The following DIAPH2 variants were observed in gnomAD, a reference collection of about 807,000 sequenced individuals.
DIAPH2 encodes the protein protein diaphanous homolog 2.
A neutral mutation model predicts 92.7 loss-of-function variants in DIAPH2; 35 were observed. That is an observed-to-expected ratio of 0.38 (90% CI 0.29 to 0.50). The LOEUF is 0.50. DIAPH2 is among the 20% of genes least tolerant of loss of function. The pLI, the probability that DIAPH2 is intolerant of heterozygous loss-of-function variation, is 0.94. For missense variants in DIAPH2, 701 were observed against 819.5 expected, an observed-to-expected ratio of 0.86 and a Z score of 1.77; for synonymous variants, 301 against 280.4, an observed-to-expected ratio of 1.07 and a Z score of -0.73.
intron 17 of DIAPH2, among the ~76,000 whole-genome samples, chrX:96,975,670 C>T (rs1383464001): frequency 2.7e-5 from 3 of 111,682 alleles, no homozygotes; most frequent in East Asian, 2.8e-4. Context: ...ATTTATTTCT[C>T]ACGCTTCTGG....
At position 96,972,940 on chromosome X, in the gene DIAPH2, T is replaced by G. The variant is rs73632874; in HGVS notation, c.2050+7733T>G. 1.7e-3 allele frequency among the ~76,000 whole-genome samples: 185 copies of G among 111,836 alleles called. 1 individual carries two copies. Among genetic ancestry groups the G allele is most frequent in the African/African-American group, 5.6e-3 (171 of 30,798 alleles). ...TTTCAGTGTGAGCATCAACCTTTCA[T>G]AGTATGAACATGGGAACAAAGTAGA... On this transcript the variant is annotated intron_variant, in intron 17 of 26. Coordinates refer to ENST00000324765, the MANE Select transcript of DIAPH2 (RefSeq NM_006729.5).
chrX:97,532,901 T>G (rs781763653), intron 26 of DIAPH2, among the ~76,000 whole-genome samples: 1 of 112,094 alleles, frequency 8.9e-6, no homozygotes, highest in Admixed American at 9.5e-5. Context: ...TGTCAAAAAA[T>G]TTGGTTTTGC....
At chrX:97,423,747 A>G (rs1413069230) in intron 25 of DIAPH2, among the ~76,000 whole-genome samples, 1 of 112,127 alleles carries the variant, frequency 8.9e-6, no homozygotes, top group Admixed American at 9.5e-5. Context: ...TTTAGTGGCT[A>G]AAAGCATTAC....
chrX:97,452,541 G>T (rs1421736577), intron 26 of DIAPH2, among the ~76,000 whole-genome samples: 1 of 111,592 alleles, frequency 9.0e-6, no homozygotes, highest in Non-Finnish European at 1.9e-5. Context: ...AAGTGCTAGA[G>T]GTTCTTGTTC....
intron 17 of DIAPH2, among the ~76,000 whole-genome samples, chrX:97,037,885 G>A (rs1442763438): frequency 9.0e-6 from 1 of 111,335 alleles, no homozygotes; most frequent in African/African-American, 3.3e-5. Flanking sequence ...TAGCTTTAGG[G>A]TAAAATTGGT....
intron 4 of DIAPH2, among the ~76,000 whole-genome samples, chrX:96,874,799 A>G (rs2065167727): frequency 8.9e-6 from 1 of 112,197 alleles, no homozygotes; most frequent in East Asian, 2.8e-4. Flanking sequence ...TGAAATTATT[A>G]TGAAGTATTT....
intron 17 of DIAPH2, among the ~76,000 whole-genome samples, chrX:96,988,410 C>T (rs769647448): frequency 6.4e-5 from 7 of 109,314 alleles, no homozygotes; most frequent in African/African-American, 9.9e-5. Flanking sequence ...GACTTGTTGA[C>T]GGATTGGATG....
At chrX:96,993,276 G>A (rs2066083707) in intron 17 of DIAPH2, among the ~76,000 whole-genome samples, 1 of 112,039 alleles carries the variant, frequency 8.9e-6, no homozygotes, top group Non-Finnish European at 1.9e-5. Context: ...ATACTAAGAT[G>A]AATAAGATAT....
intron 22 of DIAPH2, among the ~76,000 whole-genome samples, chrX:97,176,811 G>A (rs1403050905): frequency 8.9e-6 from 1 of 111,834 alleles, no homozygotes; most frequent in African/African-American, 3.3e-5. Context: ...ACAGGCGTGA[G>A]CCACCGCGCC....
At chrX:96,942,932 A>G (rs1025350444) in intron 13 of DIAPH2, among the ~76,000 whole-genome samples, 4 of 112,176 alleles carry the variant, frequency 3.6e-5, no homozygotes, top group South Asian at 3.7e-4. Context: ...CCACAGCACA[A>G]GGCAGATACA....
At chrX:96,714,503 A>G (rs922430518) in intron 1 of DIAPH2, among the ~76,000 whole-genome samples, 7 of 110,958 alleles carry the variant, frequency 6.3e-5, no homozygotes, top group African/African-American at 2.3e-4. Context: ...ACCTCGGGTC[A>G]TCCATCTGCC....
At chrX:96,765,372 AT>A (rs1334931581) in intron 4 of DIAPH2, among the ~76,000 whole-genome samples, 1 of 108,140 alleles carries the variant, frequency 9.2e-6, no homozygotes, top group Non-Finnish European at 1.9e-5. Context: ...TAATTTTTGT[AT>A]TTTTTTGTAG....
intron 16 of DIAPH2, among the ~76,000 whole-genome samples, chrX:96,962,382 CAT>C (rs1362470136): frequency 1.7e-5 from 1 of 57,200 alleles, no homozygotes; most frequent in Non-Finnish European, 3.0e-5. Context: ...TATATATACA[CAT>C]ATATATACAC....
intron 23 of DIAPH2, 127 bp from the exon 24 acceptor site, chrX:97,347,989 C>G: frequency 3.1e-6 from 2 of 650,184 alleles, no homozygotes; most frequent in East Asian, 3.7e-5. Context: ...CCCTAACAAA[C>G]TAATACACAA....
In DIAPH2 at chrX:96,994,476, A is replaced by G. The variant is rs143728703; in HGVS notation, c.2050+29269A>G. 4.8e-3 allele frequency among the ~76,000 whole-genome samples: 532 copies of G among 111,840 alleles called. 2 individuals carry two copies. Among genetic ancestry groups the G allele is most frequent in the African/African-American group, 0.017 (512 of 30,764 alleles). ...CTGTCTTGTAGGCAGTCATGTGTAG[A>G]AAGTTTGTAGCTCAGAAGAATATAT... On this transcript the variant is annotated intron_variant, in intron 17 of 26. Coordinates refer to ENST00000324765, the MANE Select transcript of DIAPH2 (RefSeq NM_006729.5).
At chrX:97,509,655 C>T (rs2070869278) in intron 26 of DIAPH2, among the ~76,000 whole-genome samples, 1 of 105,533 alleles carries the variant, frequency 9.5e-6, no homozygotes, top group Non-Finnish European at 1.9e-5. Context: ...CTATCCCTCC[C>T]CACTCCCCCC....
At chrX:97,212,684 C>A (rs1221344261) in intron 22 of DIAPH2, among the ~76,000 whole-genome samples, 3 of 105,870 alleles carry the variant, frequency 2.8e-5, no homozygotes, top group African/African-American at 1.0e-4. Context: ...ATAGAAGGAC[C>A]TGATTTTTAT....
At chrX:97,231,216 T>C (rs1008158795) in intron 22 of DIAPH2, among the ~76,000 whole-genome samples, 1 of 107,834 alleles carries the variant, frequency 9.3e-6, no homozygotes, top group Non-Finnish European at 1.9e-5. Context: ...TTGGATACAT[T>C]CTGAGGCATA....
intron 3 of DIAPH2, among the ~76,000 whole-genome samples, chrX:96,747,705 C>T (rs948394361): frequency 8.9e-6 from 1 of 112,056 alleles, no homozygotes; most frequent in Non-Finnish European, 1.9e-5. Context: ...TCTCCACTGA[C>T]TGCTATTATA....
Sources: gnomAD v4.1 joint callset for allele counts (sites outside exome capture counted in the v4.1 genomes callset) on GRCh38, gnomAD v4.1.1 for gene constraint, MANE v1.5 for transcripts, NCBI Gene and HGNC (gene_info 2026-07-23, HGNC 2026-07-21) for gene names.